EPHA3: variants seen among roughly 807,000 people sequenced by gnomAD.
The protein encoded by EPHA3 is EPH receptor A3.
Under a neutral mutation model 107.1 loss-of-function variants are expected in EPHA3, and 42 were observed. The ratio of observed to expected loss-of-function variants is 0.39; its 90% CI spans 0.31 to 0.51. EPHA3 has a LOEUF of 0.51. EPHA3 is among the 20% of genes least tolerant of loss of function. The probability of loss-of-function intolerance (pLI) is 0.78; values close to 1 mark genes in which losing one functional copy is unlikely to be tolerated. For synonymous variants in EPHA3, 461 were observed against 424.8 expected (o/e 1.09, Z -1.05); for missense variants, 1,183 against 1,211.2 (o/e 0.98, Z 0.35).
At chr3:89,273,431 C>G (rs1409278695) in intron 3 of EPHA3, among the ~76,000 whole-genome samples, 1 of 151,682 alleles carries the variant, frequency 6.6e-6, no homozygotes, top group African/African-American at 2.4e-5. Flanking sequence ...TTCTTTTTGC[C>G]CATTTCCATC....
chr3:89,208,677 A>G (rs964403065), intron 2 of EPHA3, among the ~76,000 whole-genome samples: 4 of 152,124 alleles, frequency 2.6e-5, no homozygotes, highest in African/African-American at 4.8e-5. Flanking sequence ...AATATCCACC[A>G]CATCTTTCGT....
At position 89,284,508 on chromosome 3, in the gene EPHA3, C is replaced by G. The variant is rs192891862; in HGVS notation, c.815-56408C>G. Among the ~76,000 whole-genome samples the G allele has an allele frequency of 3.9e-5, 6 of 152,096 alleles. No individual in the cohort carries two copies. In the East Asian group the frequency reaches 1.2e-3, roughly 29 times the overall value. On this transcript the variant is annotated intron_variant, in intron 3 of 16. Transcript: ENST00000336596. ...AATTTTCATGTTACTGATTTTAAAA[C>G]CTTGAGTTTGATTTCTCCTGATTAT...
intron 15 of EPHA3, among the ~76,000 whole-genome samples, chr3:89,469,174 G>A (rs1710352264): frequency 6.6e-6 from 1 of 152,108 alleles, no homozygotes; most frequent in Non-Finnish European, 1.5e-5. Context: ...ATTTGAACTT[G>A]TGAAGTAAAA....
chr3:89,384,608 T>A (rs560876518), intron 5 of EPHA3, among the ~76,000 whole-genome samples: 164 of 152,298 alleles, frequency 1.1e-3, no homozygotes, highest in Admixed American at 2.2e-3. Flanking sequence ...ATTCACACAA[T>A]TAAATGCATA....
At chr3:89,413,077 T>C in intron 9 of EPHA3, 64 bp from the exon 10 acceptor site, 1 of 1,596,830 alleles carries the variant, frequency 6.3e-7, no homozygotes. Flanking sequence ...TGCCATAAAA[T>C]TTGATCTATA....
chr3:89,208,225 C>T (rs1181450100), intron 2 of EPHA3, among the ~76,000 whole-genome samples: 1 of 151,380 alleles, frequency 6.6e-6, no homozygotes, highest in Non-Finnish European at 1.5e-5. Context: ...TCAAAATTAG[C>T]CAGTTGTGGT....
chr3:89,188,002 G>GA (rs1398412760), intron 2 of EPHA3, among the ~76,000 whole-genome samples: 1 of 151,894 alleles, frequency 6.6e-6, no homozygotes, highest in African/African-American at 2.4e-5. Flanking sequence ...CAAGTAATCT[G>GA]AAAAAAATTC....
At chr3:89,189,274 T>A (rs1012023337) in intron 2 of EPHA3, among the ~76,000 whole-genome samples, 2 of 152,194 alleles carry the variant, frequency 1.3e-5, no homozygotes, top group African/African-American at 4.8e-5. Flanking sequence ...TAATGTCCAA[T>A]TCTTCAATCC....
At chr3:89,162,615 G>A (rs1704976498) in intron 2 of EPHA3, among the ~76,000 whole-genome samples, 1 of 152,156 alleles carries the variant, frequency 6.6e-6, no homozygotes, top group African/African-American at 2.4e-5. Flanking sequence ...TTAGAAAGGA[G>A]TGCCTTTGGG....
chr3:89,111,466 A>T (rs570303184), intron 1 of EPHA3, among the ~76,000 whole-genome samples: 2 of 151,804 alleles, frequency 1.3e-5, no homozygotes, highest in Admixed American at 6.6e-5. Context: ...TGCATTATAC[A>T]TTTTTGTAAT....
rs1559606337 is a variant in EPHA3, at chr3:89,219,697, T to TTGTTTG, written c.814+9178_814+9179insGTTTGT. ...AGAGGCATTTGGCAATGTTTTTTTTTTTTTTGTTTTTTGTTTTTTTTTTTT... is the reference window on the plus strand; with the variant it reads ...AGAGGCATTTGGCAATGTTTTTTTTTTGTTTGTTTTTGTTTTTTGTTTTTTTTTTTT... On this transcript the variant is annotated intron_variant, in intron 3 of 16. Coordinates refer to ENST00000336596, the MANE Select transcript of EPHA3 (RefSeq NM_005233.6). Among the ~76,000 whole-genome samples the TTGTTTG allele has an allele frequency of 1.5e-4, 2 of 13,330 alleles. 1 individual carries two copies. Among genetic ancestry groups the TTGTTTG allele is most frequent in the African/African-American group, 4.3e-4 (2 of 4,620 alleles). The allele number at this position is 13,330 out of a possible 152,430, so 8.7% of individuals were successfully genotyped here. A position where few individuals can be genotyped will look rare whatever the true frequency, so the allele number is the denominator to read the frequency against.
At chr3:89,213,179 C>A (rs764825763) in intron 3 of EPHA3, among the ~76,000 whole-genome samples, 8 of 151,936 alleles carry the variant, frequency 5.3e-5, no homozygotes, top group African/African-American at 1.4e-4. Context: ...GCAAGGTGCT[C>A]ATGAGTGTGA....
chr3:89,330,325 A>C (rs1201568126), intron 3 of EPHA3, among the ~76,000 whole-genome samples: 2 of 152,104 alleles, frequency 1.3e-5, no homozygotes, highest in Non-Finnish European at 2.9e-5. Flanking sequence ...CACTCAAAGC[A>C]AATATTGAAT....
rs1396970589 is a variant in EPHA3 at position 89,210,463 on chromosome 3, C to G, written c.757C>G (p.Pro253Ala). ...CAGTACAGAAGGCGAATGGCTTGTACCCATTGGCAAGTGTTCCTGCAATGC... is the reference window on the plus strand; with the variant it reads ...CAGTACAGAAGGCGAATGGCTTGTAGCCATTGGCAAGTGTTCCTGCAATGC... ...YCSTEGEWLV[P>A]IGKCSCNAGY... is the part of the protein sequence containing the mutation. The change falls in exon 3 of 17, where the codon CCC (proline) becomes GCC (alanine). Residue 253 changes from proline (P) to alanine (A), a missense_variant. Pro to Ala is a conservative substitution (Grantham distance 27). Coordinates refer to ENST00000336596, the MANE Select transcript of EPHA3 (RefSeq NM_005233.6). 6.3e-7 allele frequency: 1 copy of G among 1,593,956 alleles called. No homozygotes were observed.
chr3:89,439,907 C>T (rs1468499510), intron 13 of EPHA3, among the ~76,000 whole-genome samples: 1 of 151,948 alleles, frequency 6.6e-6, no homozygotes, highest in African/African-American at 2.4e-5. Context: ...TTTTTATTTC[C>T]TGGTTAGCCA....
intron 3 of EPHA3, among the ~76,000 whole-genome samples, chr3:89,314,379 G>A (rs1706842215): frequency 6.6e-6 from 1 of 151,794 alleles, no homozygotes; most frequent in Non-Finnish European, 1.5e-5. Context: ...TCACATGGGG[G>A]CAAATAAGAT....
chr3:89,184,302 A>G lies in EPHA3; in HGVS notation c.154-25558A>G, dbSNP rs1705511955. ...GACTTGAGTGGCTTCATCAAAATGGAGGCCCCTGTAGAGTAATGGTATCCT... is the reference window on the plus strand; with the variant it reads ...GACTTGAGTGGCTTCATCAAAATGGGGGCCCCTGTAGAGTAATGGTATCCT... On this transcript the variant is annotated intron_variant, in intron 2 of 16. Transcript: ENST00000336596. Among the ~76,000 whole-genome samples, 6 of 151,990 alleles carry G rather than the reference A, an allele frequency of 3.9e-5. No homozygotes were observed. In the South Asian group the frequency reaches 1.2e-3, roughly 31 times the overall value.
At chr3:89,262,990 T>A (rs1402491843) in intron 3 of EPHA3, among the ~76,000 whole-genome samples, 6 of 138,856 alleles carry the variant, frequency 4.3e-5, no homozygotes, top group African/African-American at 1.2e-4. Flanking sequence ...TTTTTTTTTT[T>A]AATTATACTT....
chr3:89,149,108 A>G (rs1467471344), intron 2 of EPHA3, among the ~76,000 whole-genome samples: 1 of 151,954 alleles, frequency 6.6e-6, no homozygotes, highest in Admixed American at 6.6e-5. Flanking sequence ...AGAAGATACT[A>G]TTGCCTAAAC....
Sources: gnomAD v4.1 joint callset for allele counts (sites outside exome capture counted in the v4.1 genomes callset) on GRCh38, gnomAD v4.1.1 for gene constraint, MANE v1.5 for transcripts, NCBI Gene and HGNC (gene_info 2026-07-23, HGNC 2026-07-21) for gene names.